The following ADAMTS17 variants were observed in gnomAD, a reference collection of about 807,000 sequenced individuals.
ADAMTS17 encodes ADAM metallopeptidase with thrombospondin type 1 motif 17.
In ADAMTS17, 113 loss-of-function variants were observed where a neutral mutation model predicts 141.5. The observed-to-expected ratio is 0.80, with a 90% CI of 0.69 to 0.93. ADAMTS17 has a LOEUF of 0.93. Among genes scored for constraint, ADAMTS17 ranks in the 40% least tolerant of loss-of-function variants. ADAMTS17 has a pLI of 0.00. For missense variants in ADAMTS17, 1,659 were observed against 1,517.9 expected, an observed-to-expected ratio of 1.09 and a Z score of -1.54; for synonymous variants, 768 against 630.6, an observed-to-expected ratio of 1.22 and a Z score of -3.27.
chr15:100,109,334 C>T (rs1459381245), intron 13 of ADAMTS17, among the ~76,000 whole-genome samples: 1 of 152,114 alleles, frequency 6.6e-6, no homozygotes, highest in African/African-American at 2.4e-5. Flanking sequence ...TGCCTTCTCT[C>T]ATCTCTCTAT....
intron 2 of ADAMTS17, among the ~76,000 whole-genome samples, chr15:100,340,164 C>T (rs986933723): frequency 2.0e-5 from 3 of 152,210 alleles, no homozygotes; most frequent in Admixed American, 6.5e-5. Flanking sequence ...GCCATGTGTG[C>T]GGCTTTCGGG....
intron 15 of ADAMTS17, among the ~76,000 whole-genome samples, chr15:100,077,466 A>G (rs1453452231): frequency 1.3e-5 from 1 of 78,160 alleles, no homozygotes; most frequent in African/African-American, 7.8e-5. Context: ...CCTCTCAAAA[A>G]AAAAAAAAAA....
At chr15:100,129,976 A>G (rs1029645452) in intron 12 of ADAMTS17, among the ~76,000 whole-genome samples, 4 of 152,208 alleles carry the variant, frequency 2.6e-5, no homozygotes, top group African/African-American at 9.7e-5. Flanking sequence ...TAACGTCAAC[A>G]CAGAGTAATG....
chr15:99,998,458 T>C (rs1001325952), intron 18 of ADAMTS17, among the ~76,000 whole-genome samples: 3 of 151,770 alleles, frequency 2.0e-5, no homozygotes, highest in African/African-American at 7.3e-5. Flanking sequence ...CACAAAATTA[T>C]CCAGGCGTGG....
chr15:100,325,555 C>A (rs35988102), intron 3 of ADAMTS17, among the ~76,000 whole-genome samples: 3 of 151,934 alleles, frequency 2.0e-5, no homozygotes, highest in African/African-American at 7.3e-5. Context: ...TGGGAGGTGG[C>A]GGATCCCTCA....
At chr15:99,975,728 A>C (rs1220328020) in intron 21 of ADAMTS17, among the ~76,000 whole-genome samples, 1 of 152,194 alleles carries the variant, frequency 6.6e-6, no homozygotes, top group African/African-American at 2.4e-5. Context: ...ATTTCTAGAA[A>C]GAAGCACTTC....
intron 7 of ADAMTS17, among the ~76,000 whole-genome samples, chr15:100,220,178 C>G (rs1258208442): frequency 6.6e-6 from 1 of 152,122 alleles, no homozygotes; most frequent in East Asian, 1.9e-4. Context: ...GGACAGCAGA[C>G]ATGTCGATGT....
In ADAMTS17 at chr15:100,340,123, C is replaced by T. The variant is rs570321731; in HGVS notation, c.450+916G>A. On this transcript the variant is annotated intron_variant, in intron 2 of 21. Transcript: ENST00000268070. ...CTGCGGTTCATGCTCTGGGTCCATA[C>T]CAAGCTTCGCTGGGGGCAGCCCATC... Among the ~76,000 whole-genome samples, 30 of 152,380 alleles carry T rather than the reference C, an allele frequency of 2.0e-4. No individual in the cohort carries two copies. In the Middle Eastern group the frequency reaches 0.01, roughly 52 times the overall value.
chr15:99,973,640 G>T lies in ADAMTS17; in HGVS notation c.*762C>A, dbSNP rs1201230155. On this transcript the variant is annotated 3_prime_UTR_variant, in exon 22 of 22. Transcript: ENST00000268070. ...TTATGTCACAGCACCTTGAAGAGAG[G>T]CCCTTCTGTTTCCCTACACGGTGGA... 1 of 152,174 alleles carries T rather than the reference G, an allele frequency of 6.6e-6. No individual in the cohort carries two copies. The highest frequency in any genetic ancestry group is 2.4e-5 in the African/African-American group (1 of 41,274). The allele number at this position is 152,174 out of a possible 1,614,324, so 9.4% of individuals were successfully genotyped here.
At chr15:100,175,045 T>C (rs1192666441) in intron 8 of ADAMTS17, among the ~76,000 whole-genome samples, 1 of 152,002 alleles carries the variant, frequency 6.6e-6, no homozygotes, top group Non-Finnish European at 1.5e-5. Flanking sequence ...CCTTCCAGCA[T>C]CTCCCAGTCC....
Position 99,993,260 on chromosome 15 carries a change from C to G in ADAMTS17, c.2797-60G>C. On this transcript the variant is annotated intron_variant, in intron 19 of 21. Transcript: ENST00000268070. This position sits in a 1 kb window ranked among gnomAD's most constrained non-coding sequence, Gnocchi z 4.3. ...CAATTCGATTCAAGTCCATCAACAGCTATTAACTCCCTCCAATGTGCCAGG... is the reference window on the plus strand; with the variant it reads ...CAATTCGATTCAAGTCCATCAACAGGTATTAACTCCCTCCAATGTGCCAGG... 1 of 1,605,066 alleles carries G rather than the reference C, an allele frequency of 6.2e-7. No homozygotes were observed. The highest frequency in any genetic ancestry group is 1.7e-5 in the Admixed American group (1 of 60,010).
chr15:100,151,889 A>G (rs2039183307), intron 10 of ADAMTS17, among the ~76,000 whole-genome samples: 1 of 152,232 alleles, frequency 6.6e-6, no homozygotes, highest in East Asian at 1.9e-4. Flanking sequence ...TGTTTGCATC[A>G]TGGTGAAAAC....
chr15:100,167,086 G>A (rs61290737), intron 8 of ADAMTS17, among the ~76,000 whole-genome samples: 2,806 of 152,294 alleles, frequency 0.018, 102 homozygotes, highest in African/African-American at 0.064. Context: ...TAGTGTGACC[G>A]AGGAACTAAT....
rs765539232 is a variant in ADAMTS17, at chr15:100,108,969, C to T, written c.2016+20G>A. On this transcript the variant is annotated intron_variant, in intron 14 of 21. Coordinates refer to ENST00000268070, the MANE Select transcript of ADAMTS17 (RefSeq NM_139057.4). ...CTCCTCTCCAAAGCCCCACCAAGGA[C>T]CGAAGGAGAAGTACGTCACCTGGCA... 1.9e-6 allele frequency: 3 copies of T among 1,613,326 alleles called. No homozygotes were observed. Among genetic ancestry groups the T allele is most frequent in the Non-Finnish European group, 1.7e-6 (2 of 1,179,886 alleles).
At chr15:100,059,940 G>A (rs965009325) in intron 15 of ADAMTS17, among the ~76,000 whole-genome samples, 2 of 152,142 alleles carry the variant, frequency 1.3e-5, no homozygotes, top group Admixed American at 6.5e-5. Flanking sequence ...CAAACCTTGG[G>A]CATCAGTGAG....
intron 18 of ADAMTS17, among the ~76,000 whole-genome samples, chr15:100,013,103 T>C (rs1305250964): frequency 1.3e-5 from 2 of 152,290 alleles, no homozygotes; most frequent in East Asian, 3.9e-4. Flanking sequence ...TCTTTTGCCT[T>C]CTTGGTTAGG....
chr15:100,104,974 T>A (rs1026500210), intron 14 of ADAMTS17, among the ~76,000 whole-genome samples: 3 of 152,260 alleles, frequency 2.0e-5, no homozygotes, highest in Admixed American at 6.5e-5. Context: ...TTTGGAGTTT[T>A]GTGAGCATCG....
intron 4 of ADAMTS17, among the ~76,000 whole-genome samples, chr15:100,263,694 G>A (rs955094610): frequency 6.6e-6 from 1 of 152,246 alleles, no homozygotes; most frequent in Admixed American, 6.5e-5. Flanking sequence ...TACGCGGAGA[G>A]CATAGTAAAG....
chr15:100,172,145 C>T (rs939705282), intron 8 of ADAMTS17, among the ~76,000 whole-genome samples: 3 of 152,172 alleles, frequency 2.0e-5, no homozygotes, highest in Admixed American at 6.5e-5. Context: ...AAGGATCCAG[C>T]TCAATTTCCG....
Sources: gnomAD v4.1 joint callset for allele counts (sites outside exome capture counted in the v4.1 genomes callset) on GRCh38, gnomAD v4.1.1 for gene constraint, Gnocchi (gnomAD v3.1) non-coding constraint, MANE v1.5 for transcripts, NCBI Gene and HGNC (gene_info 2026-07-23, HGNC 2026-07-21) for gene names.